The following MAP4K4 variants were observed in gnomAD, a reference collection of about 807,000 sequenced individuals.
MAP4K4 encodes mitogen-activated protein kinase kinase kinase kinase 4.
MAP4K4 carries 38 observed loss-of-function variants against 189.6 expected under a neutral mutation model. The ratio of observed to expected loss-of-function variants is 0.20; its 90% CI spans 0.15 to 0.26. The LOEUF (loss-of-function observed/expected upper bound fraction) is 0.26, where lower values mean the gene tolerates loss of function less well. Among genes scored for constraint, MAP4K4 ranks in the 10% least tolerant of loss-of-function variants. MAP4K4 has a pLI of 1.00. For synonymous variants in MAP4K4, 610 were observed against 624.3 expected, an observed-to-expected ratio of 0.98 and a Z score of 0.34; for missense variants, 1,054 against 1,726.9, an observed-to-expected ratio of 0.61 and a Z score of 6.91.
At chr2:101,889,072 C>A (rs921358735) in intron 32 of MAP4K4, 137 bp downstream of exon 32, 11 of 808,038 alleles carry the variant, frequency 1.4e-5, no homozygotes, top group Middle Eastern at 6.0e-4. Flanking sequence ...GCTTTTTAGT[C>A]ATGTTTGTGA....
intron 2 of MAP4K4, among the ~76,000 whole-genome samples, chr2:101,707,759 C>T (rs1405131130): frequency 6.7e-6 from 1 of 148,446 alleles, no homozygotes; most frequent in African/African-American, 2.5e-5. Context: ...GGTGCAATCT[C>T]GGCTCACTGC....
At chr2:101,743,122 A>T (rs1332556124) in intron 2 of MAP4K4, among the ~76,000 whole-genome samples, 1 of 152,074 alleles carries the variant, frequency 6.6e-6, no homozygotes, top group Admixed American at 6.6e-5. Flanking sequence ...ATTGTTAGGG[A>T]TGTGTGAGCA....
At chr2:101,698,171 G>A (rs550374657) in intron 1 of MAP4K4, 34 bp downstream of exon 1, 6 of 959,354 alleles carry the variant, frequency 6.3e-6, no homozygotes, top group East Asian at 1.7e-4. Context: ...CGCGGGGAGC[G>A]GGCAGCCGGC....
At chr2:101,772,591 C>T (rs150134865) in intron 2 of MAP4K4, among the ~76,000 whole-genome samples, 165 of 152,310 alleles carry the variant, frequency 1.1e-3, no homozygotes, top group African/African-American at 3.7e-3. Context: ...CGCTGATTTT[C>T]TGTTATCCAC....
intron 2 of MAP4K4, among the ~76,000 whole-genome samples, chr2:101,764,185 C>T (rs1412787926): frequency 6.6e-6 from 1 of 151,888 alleles, no homozygotes; most frequent in Non-Finnish European, 1.5e-5. Flanking sequence ...ATGTGATATG[C>T]GTAAGGGTCT....
intron 2 of MAP4K4, among the ~76,000 whole-genome samples, chr2:101,783,193 A>C: frequency 7.2e-6 from 1 of 139,022 alleles, no homozygotes; most frequent in East Asian, 1.9e-4. Context: ...ATTTCTTTCT[A>C]ATCTGTAAAA....
At chr2:101,827,823 C>A (rs1351872877) in intron 5 of MAP4K4, among the ~76,000 whole-genome samples, 3 of 152,178 alleles carry the variant, frequency 2.0e-5, no homozygotes, top group Non-Finnish European at 4.4e-5. Context: ...TTTGCCTGCT[C>A]TTTTATTCTG....
At chr2:101,814,435 C>G (rs906529941) in intron 3 of MAP4K4, among the ~76,000 whole-genome samples, 2 of 152,184 alleles carry the variant, frequency 1.3e-5, no homozygotes, top group Admixed American at 1.3e-4. Flanking sequence ...GAGACTTCTC[C>G]AGGCATGTGA....
At chr2:101,833,900 G>T (rs1401487001) in intron 7 of MAP4K4, among the ~76,000 whole-genome samples, 2 of 152,178 alleles carry the variant, frequency 1.3e-5, no homozygotes, top group African/African-American at 4.8e-5. Context: ...ACCACATTAG[G>T]TTTTATGAAT....
At position 101,731,860 on chromosome 2, in the gene MAP4K4, T is replaced by A. The variant is rs975150873; in HGVS notation, c.123+33322T>A. Among the ~76,000 whole-genome samples, 26 of 152,158 alleles carry A rather than the reference T, an allele frequency of 1.7e-4. 1 individual carries two copies. The highest frequency in any genetic ancestry group is 6.0e-4 in the African/African-American group (25 of 41,460). On this transcript the variant is annotated intron_variant, in intron 2 of 32. Coordinates refer to ENST00000324219, the Ensembl canonical transcript of MAP4K4. ...TTCCTGTTTTTCATTCACTCAGGATTCCTTTTAAATGAAAAAGTTTTGGTT... is the reference window on the plus strand; with the variant it reads ...TTCCTGTTTTTCATTCACTCAGGATACCTTTTAAATGAAAAAGTTTTGGTT...
intron 2 of MAP4K4, among the ~76,000 whole-genome samples, chr2:101,705,947 G>C (rs2042085860): frequency 6.6e-6 from 1 of 152,154 alleles, no homozygotes; most frequent in African/African-American, 2.4e-5. Flanking sequence ...CTTTGGAACT[G>C]TCTCAGATAT....
At chr2:101,810,129 G>T (rs11686650) in intron 3 of MAP4K4, among the ~76,000 whole-genome samples, 42,480 of 152,042 alleles carry the variant, frequency 0.28, 6,690 homozygotes, top group South Asian at 0.49. Flanking sequence ...GGCTGGTTTG[G>T]TATAATAGGT....
exon 30 of MAP4K4, chr2:101,887,156 A>G (rs546955640): frequency 6.2e-7 from 1 of 1,610,460 alleles, no homozygotes; most frequent in East Asian, 2.2e-5. Flanking sequence ...AGAGGTTGAA[A>G]GTGATCTATG....
At chr2:101,884,011 T>C (rs1020675878) in intron 28 of MAP4K4, among the ~76,000 whole-genome samples, 1 of 152,136 alleles carries the variant, frequency 6.6e-6, no homozygotes, top group Non-Finnish European at 1.5e-5. Flanking sequence ...ACAGATGAAA[T>C]GTACATGAAT....
intron 2 of MAP4K4, among the ~76,000 whole-genome samples, chr2:101,733,410 A>G (rs2059278056): frequency 6.6e-6 from 1 of 152,224 alleles, no homozygotes; most frequent in African/African-American, 2.4e-5. Context: ...AAGTTCTTTC[A>G]TGAGATCATG....
At position 101,877,009 on chromosome 2, in the gene MAP4K4, AT is replaced by A. The variant is rs777658615; in HGVS notation, c.3251del (p.Leu1084CysfsTer2). 6.2e-7 allele frequency: 1 copy of A among 1,613,876 alleles called. No individual in the cohort carries two copies. The highest frequency in any genetic ancestry group is 1.7e-5 in the Admixed American group (1 of 59,998). ...TTCTGTGTCCCTGAAACAGGAGTGA[AT>A]TTGCTAGTGGGTACAGAGAGTGGCC... On this transcript the variant is annotated frameshift_variant, in exon 27 of 33. Coordinates refer to ENST00000324219, the Ensembl canonical transcript of MAP4K4. LOFTEE classifies it high-confidence loss of function.
intron 28 of MAP4K4, among the ~76,000 whole-genome samples, chr2:101,884,841 C>G (rs1332579499): frequency 6.6e-6 from 1 of 152,152 alleles, no homozygotes; most frequent in Non-Finnish European, 1.5e-5. Flanking sequence ...TTTCAGGAGT[C>G]TCTTGGCTGA....
chr2:101,810,361 T>C (rs1366766940), intron 3 of MAP4K4, among the ~76,000 whole-genome samples: 1 of 152,160 alleles, frequency 6.6e-6, no homozygotes, highest in East Asian at 1.9e-4. Context: ...ATTTATGTAT[T>C]ATATTTGCAT....
intron 3 of MAP4K4, among the ~76,000 whole-genome samples, chr2:101,795,501 C>T (rs563571998): frequency 2.0e-5 from 3 of 152,254 alleles, no homozygotes; most frequent in African/African-American, 7.2e-5. Flanking sequence ...TTGACATGAA[C>T]CCAATGGGTC....
Sources: gnomAD v4.1 joint callset for allele counts (sites outside exome capture counted in the v4.1 genomes callset) on GRCh38, gnomAD v4.1.1 for gene constraint, MANE v1.5 for transcripts, NCBI Gene and HGNC (gene_info 2026-07-23, HGNC 2026-07-21) for gene names.